The following RAP1GAP variants were observed in gnomAD, a reference collection of about 807,000 sequenced individuals.
RAP1GAP encodes rap1 GTPase-activating protein 1.
RAP1GAP carries 35 observed loss-of-function variants against 87.2 expected under a neutral mutation model. The ratio of observed to expected loss-of-function variants is 0.40; its 90% CI spans 0.31 to 0.53. The LOEUF (loss-of-function observed/expected upper bound fraction) is 0.53, where lower values mean the gene tolerates loss of function less well. Among genes scored for constraint, RAP1GAP ranks in the 20% least tolerant of loss-of-function variants. The pLI is 0.48. For synonymous variants in RAP1GAP, 375 were observed against 363.9 expected (o/e 1.03, Z -0.35); for missense variants, 734 against 898.9 (o/e 0.82, Z 2.35).
At chr1:21,660,432 C>A (rs1228947369) in intron 1 of RAP1GAP, among the ~76,000 whole-genome samples, 1 of 149,642 alleles carries the variant, frequency 6.7e-6, no homozygotes, top group African/African-American at 2.5e-5. Flanking sequence ...CTCCAGGGTT[C>A]AAGCGATTCT....
At chr1:21,626,891 G>A (rs773102812) in intron 2 of RAP1GAP, 31 of 456,762 alleles carry the variant, frequency 6.8e-5, no homozygotes, top group African/African-American at 4.2e-4. Context: ...CTGAGCCCTC[G>A]TTCTAGGCCC....
At chr1:21,652,377 C>T (rs769994451) in intron 1 of RAP1GAP, among the ~76,000 whole-genome samples, 1 of 152,252 alleles carries the variant, frequency 6.6e-6, no homozygotes, top group Non-Finnish European at 1.5e-5. Context: ...AAGCGCTCGG[C>T]CCAGGCCCTG....
intron 2 of RAP1GAP, among the ~76,000 whole-genome samples, chr1:21,647,711 T>C (rs543640728): frequency 6.6e-6 from 1 of 152,284 alleles, no homozygotes; most frequent in African/African-American, 2.4e-5. Flanking sequence ...ACACCTGCCA[T>C]GCTCTTTCCC....
chr1:21,660,353 T>TATATATATATATATATAGAGAGAGA, intron 1 of RAP1GAP, among the ~76,000 whole-genome samples: 2 of 26,840 alleles, frequency 7.5e-5, no homozygotes, highest in African/African-American at 1.1e-4. Flanking sequence ...ATATATTTAT[T>TATATATATATATATATAGAGAGAGA]GAGACAGTCT....
At position 21,620,066 on chromosome 1, in the gene RAP1GAP, G is replaced by A. The variant is rs2085773543; in HGVS notation, c.-18-16C>T. 2 of 1,613,546 alleles carry A rather than the reference G, an allele frequency of 1.2e-6. No individual in the cohort carries two copies. Among genetic ancestry groups the A allele is most frequent in the African/African-American group, 2.7e-5 (2 of 74,904 alleles). On this transcript the variant is annotated splice_polypyrimidine_tract_variant and intron_variant, in intron 3 of 24. Coordinates refer to ENST00000374765, the MANE Select transcript of RAP1GAP (RefSeq NM_002885.4). ...GATCTGTGTTCTGCAACAGAGACAG[G>A]GGAGAGCGAGGTCAGCTGATCCCGC...
rs2077226097 is a variant in RAP1GAP at position 21,609,995 on chromosome 1, T to C, written c.999+125A>G. 6 of 1,229,278 alleles carry C rather than the reference T, an allele frequency of 4.9e-6. No homozygotes were observed. Among genetic ancestry groups the C allele is most frequent in the Non-Finnish European group, 2.2e-6 (2 of 898,218 alleles). The allele number at this position is 1,229,278 out of a possible 1,614,324, so 76.1% of individuals were successfully genotyped here. On this transcript the variant is annotated intron_variant, in intron 14 of 24. Transcript: ENST00000374765. This position sits in a 1 kb window ranked among gnomAD's most constrained non-coding sequence, Gnocchi z 4.4. ...GGGGCGTGGTGTGAACAGTGCACCATTGAAGCCTTCCATGGTCCCCCCATT... is the reference window on the plus strand; with the variant it reads ...GGGGCGTGGTGTGAACAGTGCACCACTGAAGCCTTCCATGGTCCCCCCATT...
chr1:21,664,082 G>T (rs150270083), intron 1 of RAP1GAP, among the ~76,000 whole-genome samples: 2 of 152,200 alleles, frequency 1.3e-5, no homozygotes, highest in African/African-American at 4.8e-5. Context: ...AGCTCACCCA[G>T]CTAGTGGGGT....
chr1:21,668,007 C>T lies in RAP1GAP; in HGVS notation c.-149+1247G>A, dbSNP rs1258542094. ...CATGGCCAGCTGGACCTGATCACTG[C>T]CTCCCCACTCAGCCACAGCCCTCAG... On this transcript the variant is annotated intron_variant, in intron 1 of 24. Coordinates refer to ENST00000374765, the MANE Select transcript of RAP1GAP (RefSeq NM_002885.4). This position sits in a 1 kb window ranked among gnomAD's most constrained non-coding sequence, Gnocchi z 6.2. Among the ~76,000 whole-genome samples, 5 of 152,204 alleles carry T rather than the reference C, an allele frequency of 3.3e-5. No individual in the cohort carries two copies. In the East Asian group the frequency reaches 9.6e-4, roughly 29 times the overall value.
intron 1 of RAP1GAP, among the ~76,000 whole-genome samples, chr1:21,652,677 G>A (rs558260005): frequency 5.8e-4 from 88 of 152,130 alleles, no homozygotes; most frequent in African/African-American, 2.0e-3. Flanking sequence ...GTACTCATTC[G>A]CTCACTAAAC....
chr1:21,615,246 C>T lies in RAP1GAP; in HGVS notation c.292-1157G>A, dbSNP rs576054702. On this transcript the variant is annotated intron_variant, in intron 7 of 24. Coordinates refer to ENST00000374765, the MANE Select transcript of RAP1GAP (RefSeq NM_002885.4). This position sits in a 1 kb window ranked among gnomAD's most constrained non-coding sequence, Gnocchi z 4.5. The stretch of plus-strand genomic sequence containing the variant: ...AAGTCAACGCCCAAAGTCATCCTAA[C>T]CTCCCCTCTCTGCCAGGATAGGGCC... Among the ~76,000 whole-genome samples the T allele has an allele frequency of 1.3e-5, 2 of 152,308 alleles. No homozygotes were observed. Among genetic ancestry groups the T allele is most frequent in the East Asian group, 1.9e-4 (1 of 5,172 alleles).
intron 2 of RAP1GAP, among the ~76,000 whole-genome samples, chr1:21,631,140 A>G (rs1408437266): frequency 6.6e-6 from 1 of 152,044 alleles, no homozygotes; most frequent in Admixed American, 6.5e-5. Context: ...TTCAGTTCAC[A>G]TCATGGATGT....
intron 11 of RAP1GAP, 50 bp from the exon 12 acceptor site, chr1:21,611,866 T>C: frequency 6.4e-7 from 1 of 1,551,634 alleles, no homozygotes; most frequent in Non-Finnish European, 8.9e-7. Context: ...GAGAAGCCCC[T>C]GCCCTCTGTC....
chr1:21,613,988 G>C lies in RAP1GAP; in HGVS notation c.393C>G (p.Leu131=). 6.2e-7 allele frequency: 1 copy of C among 1,604,814 alleles called. No homozygotes were observed. The highest frequency in any genetic ancestry group is 8.5e-7 in the Non-Finnish European group (1 of 1,173,104). Residue 131 remains leucine (L), a splice_region_variant and synonymous_variant, in exon 8 of 25, where the codon CTC becomes CTG. Coordinates refer to ENST00000374765, the MANE Select transcript of RAP1GAP (RefSeq NM_002885.4). The surrounding 1 kb of genome is among the most constrained non-coding windows in gnomAD (Gnocchi z 4.7). ...IGDQEHLRLL[L]RTKCRTYHDV... Reference sequence around the variant, plus strand: ...CAGGACTCCCCCACCACCCTCACCTGAGCAGCAGCCGCAGGTGCTCTTGGT... The same window carrying C: ...CAGGACTCCCCCACCACCCTCACCTCAGCAGCAGCCGCAGGTGCTCTTGGT...
chr1:21,630,032 G>C (rs1404058196), intron 2 of RAP1GAP, among the ~76,000 whole-genome samples: 2 of 152,212 alleles, frequency 1.3e-5, no homozygotes, highest in East Asian at 1.9e-4. Context: ...AGCTGATACA[G>C]AGCTTACTAT....
Position 21,603,937 on chromosome 1 carries a change from C to G in RAP1GAP, c.1429-1024G>C. Reference sequence around the variant, plus strand: ...ACTGGCAAGCAGCAGAGGGCGGGGGCAGAGAGAGAGAGACAGAGAGAGAGT... The same window carrying G: ...ACTGGCAAGCAGCAGAGGGCGGGGGGAGAGAGAGAGAGACAGAGAGAGAGT... On this transcript the variant is annotated intron_variant, in intron 18 of 24. Transcript: ENST00000374765. This position sits in a 1 kb window ranked among gnomAD's most constrained non-coding sequence, Gnocchi z 6.0. 6.8e-7 allele frequency: 1 copy of G among 1,474,092 alleles called. No homozygotes were observed. Among genetic ancestry groups the G allele is most frequent in the African/African-American group, 1.4e-5 (1 of 71,252 alleles). 91.3% of individuals were successfully genotyped at this position (1,474,092 alleles called of 1,614,324 possible).
At chr1:21,598,123 G>A (rs775928169) in intron 22 of RAP1GAP, 59 bp from the exon 23 acceptor site, 10 of 1,167,028 alleles carry the variant, frequency 8.6e-6, no homozygotes, top group Non-Finnish European at 1.2e-5. Context: ...CCAGGGAGAC[G>A]GGGGCATAGG....
intron 1 of RAP1GAP, chr1:21,651,995 C>A: frequency 2.8e-6 from 1 of 359,104 alleles, no homozygotes; most frequent in Non-Finnish European, 3.9e-6. Context: ...GAAAGGGCCG[C>A]TTGTTCGCGC....
chr1:21,662,820 T>TG (rs2097199155), intron 1 of RAP1GAP, among the ~76,000 whole-genome samples: 1 of 152,288 alleles, frequency 6.6e-6, no homozygotes, highest in African/African-American at 2.4e-5. Flanking sequence ...CTGGGTGACC[T>TG]GGGGCAGGCT....
At position 21,669,112 on chromosome 1, in the gene RAP1GAP, G is replaced by T. The variant is rs888254575; in HGVS notation, c.-149+142C>A. 3 of 937,978 alleles carry T rather than the reference G, an allele frequency of 3.2e-6. No homozygotes were observed. In the African/African-American group the frequency reaches 5.6e-5, roughly 17 times the overall value. 58.1% of individuals were successfully genotyped at this position (937,978 alleles called of 1,614,324 possible). ...CAGCTGCGCCCACCCCTCGCCCCTGGAGACCCGGGTCCCCCACGCGTTCGC... is the reference window on the plus strand; with the variant it reads ...CAGCTGCGCCCACCCCTCGCCCCTGTAGACCCGGGTCCCCCACGCGTTCGC... On this transcript the variant is annotated intron_variant, in intron 1 of 24. Coordinates refer to ENST00000374765, the MANE Select transcript of RAP1GAP (RefSeq NM_002885.4). This position sits in a 1 kb window ranked among gnomAD's most constrained non-coding sequence, Gnocchi z 5.6.
Sources: allele counts gnomAD v4.1 joint callset (sites outside exome capture counted in the v4.1 genomes callset), GRCh38; gene constraint gnomAD v4.1.1; non-coding constraint Gnocchi (gnomAD v3.1); transcripts MANE v1.5; gene names NCBI Gene and HGNC (gene_info 2026-07-23, HGNC 2026-07-21).